PTPRS: variants seen among roughly 807,000 people sequenced by gnomAD.
PTPRS encodes receptor-type tyrosine-protein phosphatase S.
A neutral mutation model predicts 215.3 loss-of-function variants in PTPRS; 63 were observed. That is an observed-to-expected ratio of 0.29 (90% confidence interval 0.24 to 0.36). The LOEUF is 0.36. Ranked by LOEUF, PTPRS falls within the 10% of genes least tolerant of loss-of-function variation. PTPRS has a pLI of 1.00. For missense variants in PTPRS, 2,258 were observed against 2,825.8 expected (o/e 0.80, Z 4.56); for synonymous variants, 1,404 against 1,191.4 (o/e 1.18, Z -3.68).
In PTPRS at chr19:5,243,943, C is replaced by G; in HGVS notation, c.1528G>C (p.Gly510Arg). Residue 510 changes from glycine to arginine, a missense_variant, in exon 11 of 38, where the codon GGG (glycine) becomes CGG (arginine). This residue lies in a region of PTPRS where 508 missense variants were observed against 799.4 expected (regional missense o/e 0.64). Coordinates refer to ENST00000262963, the MANE Select transcript of PTPRS (RefSeq NM_002850.4). ...ACCTGGATGGGGTCCGAGAGGGGCC[C>G]GTCGCCGACGGAGGTGAAGGCGAGC... is the stretch of plus-strand genomic sequence containing the variant. ...RVLAFTSVGD[G>R]PLSDPIQVKT... is the part of the protein sequence containing the mutation. 1.3e-6 allele frequency: 2 copies of G among 1,578,678 alleles called. No individual in the cohort carries two copies. The highest frequency in any genetic ancestry group is 1.7e-6 in the Non-Finnish European group (2 of 1,166,828).
Position 5,210,880 on chromosome 19 carries a change from G to T in PTPRS, c.5235-75C>A. 1 of 1,546,844 alleles carries T rather than the reference G, an allele frequency of 6.5e-7. No individual in the cohort carries two copies. The highest frequency in any genetic ancestry group is 8.7e-7 in the Non-Finnish European group (1 of 1,150,414). Reference sequence around the variant, plus strand: ...GGTACTCACCTGATGCTGCCCGGGAGGGTCAGGACCAAGCCAGTGACAGCT... The same window carrying T: ...GGTACTCACCTGATGCTGCCCGGGATGGTCAGGACCAAGCCAGTGACAGCT... On this transcript the variant is annotated intron_variant, in intron 33 of 37. Coordinates refer to ENST00000262963, the MANE Select transcript of PTPRS (RefSeq NM_002850.4). The surrounding 1 kb of genome is among the most constrained non-coding windows in gnomAD (Gnocchi z 4.5).
intron 13 of PTPRS, among the ~76,000 whole-genome samples, chr19:5,236,861 A>AAC (rs901249290): frequency 4.6e-5 from 7 of 151,690 alleles, no homozygotes; most frequent in African/African-American, 1.7e-4. Context: ...AAAAAAAAAA[A>AAC]AAAACAACAA....
chr19:5,269,647 C>A (rs1338114627), intron 4 of PTPRS, among the ~76,000 whole-genome samples: 1 of 152,038 alleles, frequency 6.6e-6, no homozygotes, highest in African/African-American at 2.4e-5. Flanking sequence ...GTGGGCTCGG[C>A]ACGGTGGCTG....
chr19:5,291,233 A>G (rs944342956), intron 1 of PTPRS, among the ~76,000 whole-genome samples: 3 of 152,150 alleles, frequency 2.0e-5, no homozygotes, highest in African/African-American at 7.2e-5. Context: ...GGAAATCATT[A>G]AAGTCCACTG....
chr19:5,247,641 C>T (rs1048111045), intron 9 of PTPRS, among the ~76,000 whole-genome samples: 6 of 152,208 alleles, frequency 3.9e-5, no homozygotes, highest in African/African-American at 1.4e-4. Context: ...CCCATCAACA[C>T]CTGCCTCTGA....
intron 1 of PTPRS, among the ~76,000 whole-genome samples, chr19:5,288,218 G>A (rs1417042818): frequency 6.6e-6 from 1 of 152,138 alleles, no homozygotes; most frequent in Non-Finnish European, 1.5e-5. Context: ...AAAGTCACAC[G>A]CAGACACAGG....
intron 30 of PTPRS, among the ~76,000 whole-genome samples, chr19:5,212,842 CA>C (rs58760144): frequency 1.2e-4 from 17 of 144,656 alleles, no homozygotes; most frequent in Admixed American, 2.1e-4. Context: ...AACTCCATCT[CA>C]AAAAAAAAAA....
At chr19:5,214,772 G>A in intron 28 of PTPRS, 36 bp from the exon 29 acceptor site, 2 of 1,568,448 alleles carry the variant, frequency 1.3e-6, no homozygotes, top group South Asian at 1.2e-5. Context: ...ATCTGTGGGG[G>A]CTGTCTTGCT....
At chr19:5,331,297 A>AT (rs60930224) in intron 1 of PTPRS, among the ~76,000 whole-genome samples, 21,710 of 150,390 alleles carry the variant, frequency 0.14, 1,724 homozygotes, top group Admixed American at 0.24. Context: ...CCCTCGGCTG[A>AT]TTTTTTTTTG....
intron 1 of PTPRS, among the ~76,000 whole-genome samples, chr19:5,315,156 C>T (rs1419462312): frequency 6.6e-6 from 1 of 152,010 alleles, no homozygotes; most frequent in African/African-American, 2.4e-5. Context: ...CTTAGATCAG[C>T]CACCGCCACC....
At chr19:5,248,883 C>T (rs1170708596) in intron 9 of PTPRS, among the ~76,000 whole-genome samples, 1 of 152,236 alleles carries the variant, frequency 6.6e-6, no homozygotes, top group Non-Finnish European at 1.5e-5. Flanking sequence ...AAGGCATTAA[C>T]CTGACTCGGG....
In PTPRS at chr19:5,220,308, G is replaced by A; in HGVS notation, c.3501C>T (p.Gly1167=). The A allele has an allele frequency of 1.9e-6, 3 of 1,614,086 alleles. No homozygotes were observed. The highest frequency in any genetic ancestry group is 3.3e-5 in the Admixed American group (2 of 60,014). The part of the protein sequence containing the change: ...VMVPLRKSRG[G]QFLTPLGSPE... ...GGCTACCCAGCGGGGTCAGGAATTG[G>A]CCTCCACGAGACTTGCGCAGTGGCA... is the stretch of plus-strand genomic sequence containing the variant. Residue 1167 remains glycine (G), a synonymous_variant, in exon 21 of 38, where the codon GGC becomes GGT. Transcript: ENST00000262963.
At chr19:5,277,831 G>A (rs1000382272) in intron 2 of PTPRS, 30 of 787,130 alleles carry the variant, frequency 3.8e-5, no homozygotes, top group African/African-American at 8.5e-5. Flanking sequence ...AAAATTAAGC[G>A]TTAACTGGGG....
chr19:5,277,796 C>T, intron 2 of PTPRS: 1 of 738,768 alleles, frequency 1.4e-6, no homozygotes, highest in Non-Finnish European at 2.5e-6. Context: ...AGGCGTTCAT[C>T]CGGCACCAGT....
chr19:5,279,525 C>T (rs542848125), intron 2 of PTPRS, among the ~76,000 whole-genome samples: 1 of 151,890 alleles, frequency 6.6e-6, no homozygotes, highest in African/African-American at 2.4e-5. Flanking sequence ...GCGCTTGCTA[C>T]CACATGCGGC....
At chr19:5,239,472 CAGAG>C (rs373965252) in intron 12 of PTPRS, among the ~76,000 whole-genome samples, 4 of 150,276 alleles carry the variant, frequency 2.7e-5, no homozygotes, top group Non-Finnish European at 4.4e-5. Context: ...GAGACAGAGA[CAGAG>C]AGAGATACAG....
intron 16 of PTPRS, among the ~76,000 whole-genome samples, chr19:5,227,058 A>C (rs939365475): frequency 6.6e-6 from 1 of 151,920 alleles, no homozygotes; most frequent in Non-Finnish European, 1.5e-5. Context: ...TTACTCTTTT[A>C]TCTTATTGAG....
rs189202208 is a variant in PTPRS, at chr19:5,272,456, G to C, written c.379+986C>G. ...CTACTAAAAATACAAAAATTAGCTG[G>C]GCGTGGTGGCATGTGCCTGTAATCC... is the stretch of plus-strand genomic sequence containing the variant. On this transcript the variant is annotated intron_variant, in intron 4 of 37. Coordinates refer to ENST00000262963, the MANE Select transcript of PTPRS (RefSeq NM_002850.4). 2.6e-5 allele frequency among the ~76,000 whole-genome samples: 4 copies of C among 151,632 alleles called. No individual in the cohort carries two copies. The East Asian group carries it at 7.8e-4, about 29-fold the overall frequency.
At chr19:5,252,469 C>T (rs1169377153) in intron 9 of PTPRS, among the ~76,000 whole-genome samples, 1 of 150,262 alleles carries the variant, frequency 6.7e-6, no homozygotes, top group Non-Finnish European at 1.5e-5. Flanking sequence ...CCCAGCTACT[C>T]AGGGGACTGA....
Sources: gnomAD v4.1 joint callset for allele counts (sites outside exome capture counted in the v4.1 genomes callset) on GRCh38, gnomAD v4.1.1 for gene constraint, gnomAD v4.1.1 regional missense constraint, Gnocchi (gnomAD v3.1) non-coding constraint, MANE v1.5 for transcripts, NCBI Gene and HGNC (gene_info 2026-07-23, HGNC 2026-07-21) for gene names.